Variants in PTPRR observed in about 807,000 individuals in gnomAD.
PTPRR encodes receptor-type tyrosine-protein phosphatase R.
A neutral mutation model predicts 77.2 loss-of-function variants in PTPRR; 38 were observed. That is an observed-to-expected ratio of 0.49 (90% CI 0.38 to 0.65). PTPRR has a LOEUF of 0.65. Ranked by LOEUF, PTPRR falls within the 30% of genes least tolerant of loss-of-function variation. PTPRR has a pLI of 0.00. For synonymous variants in PTPRR, 299 were observed against 283.1 expected (o/e 1.06, Z -0.57); for missense variants, 744 against 799.2 (o/e 0.93, Z 0.83).
intron 2 of PTPRR, among the ~76,000 whole-genome samples, chr12:70,772,469 T>C (rs536732470): frequency 2.6e-4 from 40 of 152,188 alleles, no homozygotes; most frequent in Non-Finnish European, 4.9e-4. Flanking sequence ...TTCTCTATTT[T>C]GTACCTGCAA....
At chr12:70,910,183 A>G (rs908846351) in intron 1 of PTPRR, among the ~76,000 whole-genome samples, 14 of 152,152 alleles carry the variant, frequency 9.2e-5, no homozygotes, top group African/African-American at 3.4e-4. Context: ...CAACTCCTAC[A>G]ACTACTAGTA....
At position 70,639,232 on chromosome 12, in the gene PTPRR, A is replaced by C; in HGVS notation, c.1926T>G (p.His642Gln). ...QTSEQYEFVH[H>Q]ALCLYESRLS... ...GTCTGCTCTCATACAGGCACAGAGC[A>C]TGGTGCACAAATTCATACTGCTCAC... Residue 642 changes from histidine (H) to glutamine (Q), a missense_variant, in exon 14 of 14, where the codon CAT (histidine) becomes CAG (glutamine). Transcript: ENST00000283228. 2 of 1,613,646 alleles carry C rather than the reference A, an allele frequency of 1.2e-6. No homozygotes were observed. Among genetic ancestry groups the C allele is most frequent in the Non-Finnish European group, 1.7e-6 (2 of 1,179,910 alleles).
intron 5 of PTPRR, 45 bp downstream of exon 5, chr12:70,754,146 C>T: frequency 1.3e-6 from 2 of 1,550,802 alleles, no homozygotes; most frequent in Non-Finnish European, 1.8e-6. Flanking sequence ...TAATATCAAG[C>T]AGTGGGCTGA....
chr12:70,766,158 G>C (rs1890816554), intron 2 of PTPRR, among the ~76,000 whole-genome samples: 1 of 152,190 alleles, frequency 6.6e-6, no homozygotes, highest in African/African-American at 2.4e-5. Context: ...AACAAAGCTG[G>C]ACAGAGAATG....
At chr12:70,897,951 A>C (rs1308608337) in intron 1 of PTPRR, among the ~76,000 whole-genome samples, 4 of 146,380 alleles carry the variant, frequency 2.7e-5, no homozygotes, top group Non-Finnish European at 4.5e-5. Flanking sequence ...GAATTGAACA[A>C]TGAGAACACA....
At chr12:70,838,490 A>G (rs1238133243) in intron 2 of PTPRR, among the ~76,000 whole-genome samples, 1 of 152,208 alleles carries the variant, frequency 6.6e-6, no homozygotes, top group Admixed American at 6.5e-5. Flanking sequence ...GATGATTTGC[A>G]TCACAGGTCA....
chr12:70,701,090 T>C (rs750048894), intron 7 of PTPRR, 47 bp downstream of exon 7: 3 of 1,593,578 alleles, frequency 1.9e-6, no homozygotes, highest in Non-Finnish European at 2.6e-6. Context: ...TAGTGCCCCA[T>C]GTATCAAAAT....
chr12:70,805,689 T>C (rs895631767), intron 2 of PTPRR, among the ~76,000 whole-genome samples: 6 of 152,220 alleles, frequency 3.9e-5, no homozygotes, highest in African/African-American at 1.4e-4. Context: ...AGCAGTTTAT[T>C]AAACATGAGT....
chr12:70,658,872 C>G (rs1187053387), intron 12 of PTPRR, among the ~76,000 whole-genome samples: 3 of 79,322 alleles, frequency 3.8e-5, no homozygotes, highest in South Asian at 4.1e-4. Context: ...ACGTTAGGGA[C>G]TTTTGCTCTA....
intron 5 of PTPRR, among the ~76,000 whole-genome samples, chr12:70,748,451 C>T (rs1349948246): frequency 6.6e-6 from 1 of 152,132 alleles, no homozygotes; most frequent in African/African-American, 2.4e-5. Flanking sequence ...AACCTAAAAG[C>T]TTACCGTAGC....
At chr12:70,864,119 A>G (rs2137082093) in intron 2 of PTPRR, among the ~76,000 whole-genome samples, 1 of 152,260 alleles carries the variant, frequency 6.6e-6, no homozygotes, top group South Asian at 2.1e-4. Flanking sequence ...CAGAAAATGA[A>G]ATTCTCTTCT....
At chr12:70,693,991 T>C (rs1315212970) in intron 8 of PTPRR, among the ~76,000 whole-genome samples, 1 of 152,152 alleles carries the variant, frequency 6.6e-6, no homozygotes, top group Non-Finnish European at 1.5e-5. Flanking sequence ...ATTTTCTCGG[T>C]AGCCTTGTAG....
intron 2 of PTPRR, among the ~76,000 whole-genome samples, chr12:70,793,255 G>T (rs896082856): frequency 1.3e-5 from 2 of 152,202 alleles, no homozygotes; most frequent in Non-Finnish European, 2.9e-5. Flanking sequence ...GTTTCAACAT[G>T]CTGGGAATCA....
At chr12:70,831,210 CATATT>C (rs1236586442) in intron 2 of PTPRR, among the ~76,000 whole-genome samples, 2 of 152,176 alleles carry the variant, frequency 1.3e-5, no homozygotes, top group Non-Finnish European at 2.9e-5. Flanking sequence ...CAAAAAAACT[CATATT>C]ATGTTGCAAA....
intron 2 of PTPRR, among the ~76,000 whole-genome samples, chr12:70,764,998 AT>A (rs1890781847): frequency 6.6e-6 from 1 of 152,208 alleles, no homozygotes; most frequent in South Asian, 2.1e-4. Context: ...TTTAAATGGT[AT>A]TAGTTAAAAA....
At chr12:70,798,873 G>A (rs1891563730) in intron 2 of PTPRR, among the ~76,000 whole-genome samples, 1 of 151,844 alleles carries the variant, frequency 6.6e-6, no homozygotes, top group South Asian at 2.1e-4. Flanking sequence ...TCTTTGAGGA[G>A]TAAGCCACTT....
chr12:70,918,584 C>T (rs949745163), intron 1 of PTPRR, among the ~76,000 whole-genome samples: 1 of 151,954 alleles, frequency 6.6e-6, no homozygotes, highest in African/African-American at 2.4e-5. Context: ...TTTCTCATCC[C>T]GAATATTCAT....
In PTPRR at chr12:70,892,990, A is replaced by G. The variant is rs1178180676; in HGVS notation, c.59-13T>C. 6.2e-7 allele frequency: 1 copy of G among 1,610,214 alleles called. No individual in the cohort carries two copies. The highest frequency in any genetic ancestry group is 8.5e-7 in the Non-Finnish European group (1 of 1,177,820). On this transcript the variant is annotated splice_polypyrimidine_tract_variant and intron_variant, in intron 1 of 13. Coordinates refer to ENST00000283228, the MANE Select transcript of PTPRR (RefSeq NM_002849.4). ...CCTGAAAAGCACCCTGAAAGAGGGA[A>G]GAAGCAGAAACAATATCAAAGACCC...
intron 2 of PTPRR, among the ~76,000 whole-genome samples, chr12:70,852,814 C>G (rs548341513): frequency 1.3e-5 from 2 of 152,124 alleles, no homozygotes; most frequent in African/African-American, 4.8e-5. Flanking sequence ...TTTTCTCCCC[C>G]CTTCTATTCT....
Sources: gnomAD v4.1 joint callset for allele counts (sites outside exome capture counted in the v4.1 genomes callset) on GRCh38, gnomAD v4.1.1 for gene constraint, MANE v1.5 for transcripts, NCBI Gene and HGNC (gene_info 2026-07-23, HGNC 2026-07-21) for gene names.